DZIP3: variants seen among roughly 807,000 people sequenced by gnomAD.
DZIP3 encodes DAZ interacting zinc finger protein 3.
A neutral mutation model predicts 162.0 loss-of-function variants in DZIP3; 118 were observed. The ratio of observed to expected loss-of-function variants is 0.73; its 90% CI spans 0.63 to 0.85. DZIP3 has a LOEUF of 0.85. DZIP3 is among the 40% of genes least tolerant of loss of function. DZIP3 has a pLI of 0.00. For synonymous variants in DZIP3, 438 were observed against 458.6 expected, an observed-to-expected ratio of 0.96 and a Z score of 0.57; for missense variants, 1,331 against 1,407.0, an observed-to-expected ratio of 0.95 and a Z score of 0.86.
intron 14 of DZIP3, 137 bp from the exon 15 acceptor site, chr3:108,646,480 G>T: frequency 1.5e-6 from 1 of 675,630 alleles, no homozygotes; most frequent in South Asian, 1.6e-5. Context: ...CTGGATTGAT[G>T]AGCAAAGCTG....
chr3:108,691,017 T>C (rs946128871), intron 32 of DZIP3, 114 bp downstream of exon 32: 19 of 803,768 alleles, frequency 2.4e-5, no homozygotes, highest in Non-Finnish European at 3.7e-5. Flanking sequence ...GCTAATTTTA[T>C]CAAAGCAGCA....
chr3:108,602,039 T>C (rs1182531367), intron 1 of DZIP3, among the ~76,000 whole-genome samples: 1 of 152,186 alleles, frequency 6.6e-6, no homozygotes, highest in Non-Finnish European at 1.5e-5. Flanking sequence ...AGTGATTATC[T>C]TTCCAGGCGG....
intron 10 of DZIP3, chr3:108,635,472 A>G (rs1357015814): frequency 5.9e-6 from 1 of 169,176 alleles, no homozygotes; most frequent in South Asian, 1.5e-4. Context: ...GTTACATATC[A>G]TATGTAGTTA....
chr3:108,602,136 G>T (rs1406777170), intron 1 of DZIP3, among the ~76,000 whole-genome samples: 1 of 152,114 alleles, frequency 6.6e-6, no homozygotes, highest in African/African-American at 2.4e-5. Context: ...ATAAAAATGT[G>T]CCTATATACA....
chr3:108,616,327 T>C (rs1326693489), intron 4 of DZIP3, among the ~76,000 whole-genome samples: 1 of 151,040 alleles, frequency 6.6e-6, no homozygotes, highest in Non-Finnish European at 1.5e-5. Context: ...TAAAATTGTT[T>C]TAAGGAAATA....
At chr3:108,619,558 TTGAGA>T (rs1325661565) in intron 5 of DZIP3, among the ~76,000 whole-genome samples, 1 of 152,000 alleles carries the variant, frequency 6.6e-6, no homozygotes, top group East Asian at 1.9e-4. Context: ...AAGGCAGAAG[TTGAGA>T]TGAGATGTCC....
intron 3 of DZIP3, among the ~76,000 whole-genome samples, chr3:108,609,009 G>A (rs571996067): frequency 1.3e-5 from 2 of 152,150 alleles, no homozygotes; most frequent in Non-Finnish European, 2.9e-5. Context: ...CGTGGCGGCA[G>A]GAGAGAAAGA....
intron 26 of DZIP3, among the ~76,000 whole-genome samples, chr3:108,683,721 A>G (rs1944402033): frequency 1.3e-5 from 2 of 152,310 alleles, no homozygotes; most frequent in South Asian, 4.1e-4. Flanking sequence ...CTAAACATTA[A>G]GTCAAAATTT....
chr3:108,606,837 G>T lies in DZIP3; in HGVS notation c.33-1252G>T, dbSNP rs3100638. On this transcript the variant is annotated intron_variant, in intron 2 of 32. Transcript: ENST00000361582. ...ATGGCACTTTTGATTCAGAAGACAT[G>T]AAGTAGGTTTTGGGCATCTGGATGT... Among the ~76,000 whole-genome samples the T allele has an allele frequency of 2.0e-5, 3 of 152,132 alleles. No homozygotes were observed. In the East Asian group the frequency reaches 5.8e-4, roughly 29 times the overall value.
At chr3:108,642,337 A>T in intron 12 of DZIP3, 101 bp from the exon 13 acceptor site, 1 of 1,233,526 alleles carries the variant, frequency 8.1e-7, no homozygotes, top group Non-Finnish European at 1.1e-6. Flanking sequence ...TATTTCTAGG[A>T]GAAGATGAAA....
intron 4 of DZIP3, among the ~76,000 whole-genome samples, chr3:108,616,110 A>C (rs1388228710): frequency 2.0e-5 from 3 of 152,058 alleles, no homozygotes; most frequent in African/African-American, 7.2e-5. Flanking sequence ...TAAAAATACA[A>C]AAAATTAGCC....
chr3:108,678,694 G>A (rs1944199086), intron 26 of DZIP3, among the ~76,000 whole-genome samples: 1 of 151,950 alleles, frequency 6.6e-6, no homozygotes, highest in Non-Finnish European at 1.5e-5. Flanking sequence ...TTTTAAGAGG[G>A]TGTCATTGGA....
At chr3:108,592,521 C>T (rs1464088156) in intron 1 of DZIP3, among the ~76,000 whole-genome samples, 1 of 151,772 alleles carries the variant, frequency 6.6e-6, no homozygotes, top group Admixed American at 6.6e-5. Context: ...TGGTGAAACC[C>T]CACCTCTACT....
intron 4 of DZIP3, among the ~76,000 whole-genome samples, 179 bp from the exon 5 acceptor site, chr3:108,616,362 A>G (rs569479748): frequency 6.6e-6 from 1 of 152,058 alleles, no homozygotes; most frequent in South Asian, 2.1e-4. Flanking sequence ...TCATCGGACT[A>G]CTTAAAAGCA....
At chr3:108,687,444 A>C (rs1944537412) in intron 28 of DZIP3, among the ~76,000 whole-genome samples, 1 of 152,200 alleles carries the variant, frequency 6.6e-6, no homozygotes, top group South Asian at 2.1e-4. Context: ...GAACATATCA[A>C]TTAAAATAAT....
intron 18 of DZIP3, among the ~76,000 whole-genome samples, chr3:108,652,302 C>T (rs3100637): frequency 1 from 151,709 of 151,926 alleles, 75,746 homozygotes; most frequent in Middle Eastern, 1. Flanking sequence ...CACATTTGTT[C>T]CATACTTCCT....
intron 1 of DZIP3, 89 bp downstream of exon 1, chr3:108,589,928 C>T (rs1284348941): frequency 6.6e-6 from 1 of 152,330 alleles, no homozygotes; most frequent in Admixed American, 6.5e-5. Context: ...CTACACCCGC[C>T]CCTTCTGCCC....
chr3:108,669,821 A>G (rs1285347010), intron 22 of DZIP3, 72 bp downstream of exon 22: 3 of 1,226,458 alleles, frequency 2.4e-6, no homozygotes, highest in Admixed American at 3.7e-5. Flanking sequence ...TCTGGCTGGC[A>G]TATTGATGTA....
chr3:108,690,943 T>C, intron 32 of DZIP3, 40 bp downstream of exon 32: 1 of 1,544,892 alleles, frequency 6.5e-7, no homozygotes, highest in Admixed American at 1.7e-5. Context: ...TTTTCTTTTA[T>C]TATGAGCTGC....
Sources: allele counts gnomAD v4.1 joint callset (sites outside exome capture counted in the v4.1 genomes callset), GRCh38; gene constraint gnomAD v4.1.1; transcripts MANE v1.5; gene names NCBI Gene and HGNC (gene_info 2026-07-23, HGNC 2026-07-21).